RNF135: variants seen among roughly 807,000 people sequenced by gnomAD.
RNF135 encodes the protein ring finger protein 135, also known as E3 ubiquitin-protein ligase RNF135.
Under a neutral mutation model 41.9 loss-of-function variants are expected in RNF135, and 46 were observed. That is an observed-to-expected ratio of 1.10 (90% confidence interval 0.87 to 1.40). The LOEUF (loss-of-function observed/expected upper bound fraction) is 1.40, where lower values mean the gene tolerates loss of function less well. Among genes scored for constraint, RNF135 ranks in the 40% most tolerant of loss-of-function variants. The probability of loss-of-function intolerance (pLI) is 0.00; values close to 1 mark genes in which losing one functional copy is unlikely to be tolerated. For missense variants in RNF135, 539 were observed against 549.8 expected (o/e 0.98, Z 0.20); for synonymous variants, 238 against 223.8 (o/e 1.06, Z -0.57).
intron 1 of RNF135, among the ~76,000 whole-genome samples, chr17:30,974,118 T>A (rs1271943334): frequency 2.0e-5 from 3 of 152,112 alleles, no homozygotes; most frequent in Non-Finnish European, 4.4e-5. Context: ...GTAGGAGAAA[T>A]CACCTGAGCT....
chr17:30,983,340 TATATATATA>T (rs1185010461), intron 1 of RNF135, among the ~76,000 whole-genome samples: 39 of 33,014 alleles, frequency 1.2e-3, no homozygotes, highest in East Asian at 2.1e-3. Flanking sequence ...TATATATATA[TATATATATA>T]TATATTTTTT....
chr17:30,982,775 A>T (rs914810616), intron 1 of RNF135, among the ~76,000 whole-genome samples: 10 of 152,324 alleles, frequency 6.6e-5, no homozygotes, highest in African/African-American at 2.4e-4. Flanking sequence ...GTGATATGAA[A>T]TACATTCACA....
Position 30,971,453 on chromosome 17 carries a change from G to T in RNF135, c.372+8G>T, listed in dbSNP as rs890664521. 9 of 1,493,044 alleles carry T rather than the reference G, an allele frequency of 6.0e-6. No homozygotes were observed. The African/African-American group carries it at 1.2e-4, about 19-fold the overall frequency. 92.5% of individuals were successfully genotyped at this position (1,493,044 alleles called of 1,614,324 possible). A position where few individuals can be genotyped will look rare whatever the true frequency, so the allele number is the denominator to read the frequency against. On this transcript the variant is annotated splice_region_variant and intron_variant, in intron 1 of 4. Coordinates refer to ENST00000328381, the MANE Select transcript of RNF135 (RefSeq NM_032322.4). ...CGCCCGGAACTGCAGCGGGTAGGGA[G>T]GCCGGGCCCGCAGCTCCCCTGGCTC... is the stretch of plus-strand genomic sequence containing the variant.
At chr17:30,991,404 T>G (rs901859734) in intron 3 of RNF135, among the ~76,000 whole-genome samples, 1 of 151,792 alleles carries the variant, frequency 6.6e-6, no homozygotes, top group African/African-American at 2.4e-5. Context: ...CGCGTTTTTT[T>G]TCTCTTTCTC....
chr17:30,964,925 C>T, the RNF135 span: 4 of 152,296 alleles, frequency 2.6e-5, no homozygotes, highest in East Asian at 3.9e-4. Flanking sequence ...CTCAGGTGAT[C>T]CGTCCTCCTC....
At chr17:30,976,435 G>T (rs569555033) in intron 1 of RNF135, among the ~76,000 whole-genome samples, 1 of 152,300 alleles carries the variant, frequency 6.6e-6, no homozygotes, top group African/African-American at 2.4e-5. Context: ...CTGTAGCGTG[G>T]ATGTAAATGT....
At chr17:30,975,608 A>T in intron 1 of RNF135, 1 of 915,276 alleles carries the variant, frequency 1.1e-6, no homozygotes, top group Non-Finnish European at 1.8e-6. Flanking sequence ...CAAGAAAGCC[A>T]AATAAAAGCA....
rs147209451 is a variant in RNF135, at chr17:30,998,529, T to C, written c.770-133T>C. 1.8e-4 allele frequency: 153 copies of C among 840,994 alleles called. 1 individual carries two copies. In the African/African-American group the frequency reaches 2.4e-3, roughly 13 times the overall value. 52.1% of individuals were successfully genotyped at this position (840,994 alleles called of 1,614,324 possible). On this transcript the variant is annotated intron_variant, in intron 4 of 4. Coordinates refer to ENST00000328381, the MANE Select transcript of RNF135 (RefSeq NM_032322.4). ...TTTATCATTTCTTCCTGTTGGGTGA[T>C]GTAGCAATTTTAATGCTAGTGTGAG...
chr17:30,963,863 C>A, the RNF135 span, among the ~76,000 whole-genome samples: 1 of 152,102 alleles, frequency 6.6e-6, no homozygotes, highest in Admixed American at 6.5e-5. Flanking sequence ...TGTCTATAAT[C>A]CCAGCACTTT....
chr17:30,974,588 T>TG (rs1363283444), intron 1 of RNF135, among the ~76,000 whole-genome samples: 1 of 151,112 alleles, frequency 6.6e-6, no homozygotes, highest in African/African-American at 2.5e-5. Context: ...ATTCCTTCAG[T>TG]GATTTTTTTT....
intron 1 of RNF135, among the ~76,000 whole-genome samples, chr17:30,975,067 T>C (rs1007590463): frequency 6.6e-6 from 1 of 151,648 alleles, no homozygotes; most frequent in African/African-American, 2.4e-5. Flanking sequence ...AGCAGGAGGA[T>C]TGCTTGAGCC....
chr17:30,972,506 A>G (rs1347947572), intron 1 of RNF135: 1 of 152,130 alleles, frequency 6.6e-6, no homozygotes, highest in African/African-American at 2.4e-5. Context: ...CTGTTTCATC[A>G]TCATAAACAG....
upstream of RNF135, among the ~76,000 whole-genome samples, chr17:30,969,677 G>A (rs1416664819): frequency 6.6e-6 from 1 of 152,034 alleles, no homozygotes; most frequent in Admixed American, 6.6e-5. Flanking sequence ...ACGTTGATGA[G>A]CAGCGCTGCC....
intron 3 of RNF135, chr17:30,993,839 G>T: frequency 2.3e-6 from 2 of 858,826 alleles, no homozygotes; most frequent in South Asian, 3.1e-5. Flanking sequence ...TTTTGACACA[G>T]GTTCTCTGTT....
At chr17:30,973,633 A>G (rs770351791) in intron 1 of RNF135, among the ~76,000 whole-genome samples, 2 of 151,876 alleles carry the variant, frequency 1.3e-5, no homozygotes, top group Non-Finnish European at 2.9e-5. Context: ...ACACCTGGAT[A>G]ATTTTTGTAT....
chr17:30,996,354 C>T (rs1270978327), intron 3 of RNF135, among the ~76,000 whole-genome samples: 2 of 151,454 alleles, frequency 1.3e-5, no homozygotes, highest in Non-Finnish European at 2.9e-5. Flanking sequence ...TCCCAAAGTG[C>T]TGGGATTACA....
intron 1 of RNF135, among the ~76,000 whole-genome samples, chr17:30,983,336 TATATATATATATA>T (rs1476508496): frequency 4.8e-4 from 14 of 28,908 alleles, no homozygotes; most frequent in African/African-American, 8.4e-4. Context: ...TATATATATA[TATATATATATATA>T]TATATTTTTT....
intron 1 of RNF135, among the ~76,000 whole-genome samples, chr17:30,980,495 G>A (rs2142693581): frequency 7.7e-6 from 1 of 130,192 alleles, no homozygotes; most frequent in Admixed American, 7.4e-5. Flanking sequence ...TGGCCGGGCG[G>A]GGGGCTGACC....
In RNF135 at chr17:30,971,375, GC is replaced by G; in HGVS notation, c.306del (p.Cys103AlafsTer25). 2 of 1,527,322 alleles carry G rather than the reference GC, an allele frequency of 1.3e-6. No homozygotes were observed. The allele number at this position is 1,527,322 out of a possible 1,614,324, so 94.6% of individuals were successfully genotyped here. On this transcript the variant is annotated frameshift_variant, in exon 1 of 5. Coordinates refer to ENST00000328381, the MANE Select transcript of RNF135 (RefSeq NM_032322.4). LOFTEE classifies it high-confidence loss of function. The stretch of plus-strand genomic sequence containing the variant: ...CAGGCGGGCTCCGACCCTGCCCACT[GC>G]CCCTGCCCGGGCTCCAGTTCCCTCT... ...EIQAGSDPAH[C>X]PCPGSSSLSS...
Sources: gnomAD v4.1 joint callset for allele counts (sites outside exome capture counted in the v4.1 genomes callset) on GRCh38, gnomAD v4.1.1 for gene constraint, MANE v1.5 for transcripts, NCBI Gene and HGNC (gene_info 2026-07-23, HGNC 2026-07-21) for gene names.